The following SMARCAL1 variants were observed in gnomAD, a reference collection of about 807,000 sequenced individuals.
SMARCAL1 encodes ATP-driven annealing helicase.
A neutral mutation model predicts 94.5 loss-of-function variants in SMARCAL1; 58 were observed. The observed-to-expected ratio is 0.61, with a 90% CI of 0.50 to 0.76. The LOEUF (loss-of-function observed/expected upper bound fraction) is 0.76, where lower values mean the gene tolerates loss of function less well. Ranked by LOEUF, SMARCAL1 falls within the 30% of genes least tolerant of loss-of-function variation. The probability of loss-of-function intolerance (pLI) is 0.00; values close to 1 mark genes in which losing one functional copy is unlikely to be tolerated. For synonymous variants in SMARCAL1, 422 were observed against 455.1 expected (o/e 0.93, Z 0.93); for missense variants, 1,051 against 1,177.9 (o/e 0.89, Z 1.58).
At chr2:216,466,059 G>C (rs1190707441) in intron 13 of SMARCAL1, among the ~76,000 whole-genome samples, 1 of 152,104 alleles carries the variant, frequency 6.6e-6, no homozygotes, top group African/African-American at 2.4e-5. Context: ...ACACATCTGA[G>C]TTGCCCCCGC....
chr2:216,422,652 G>T (rs1418982355), intron 5 of SMARCAL1, among the ~76,000 whole-genome samples: 3 of 152,200 alleles, frequency 2.0e-5, no homozygotes, highest in Non-Finnish European at 4.4e-5. Flanking sequence ...CTTCCATCAG[G>T]TTGTACCTGG....
intron 14 of SMARCAL1, among the ~76,000 whole-genome samples, chr2:216,470,394 A>T (rs558766672): frequency 6.6e-6 from 1 of 152,092 alleles, no homozygotes; most frequent in African/African-American, 2.4e-5. Context: ...GCCTCAAGTG[A>T]TCCACCTGCT....
chr2:216,437,968 G>C (rs1460880882), intron 9 of SMARCAL1, among the ~76,000 whole-genome samples: 1 of 152,140 alleles, frequency 6.6e-6, no homozygotes, highest in Non-Finnish European at 1.5e-5. Context: ...CAGCCTGATC[G>C]GTTGTCAGTG....
chr2:216,434,672 GAA>G (rs34338586), intron 8 of SMARCAL1, among the ~76,000 whole-genome samples: 2 of 145,120 alleles, frequency 1.4e-5, no homozygotes, highest in East Asian at 2.0e-4. Flanking sequence ...CCATCTCTTT[GAA>G]AAAAAAAAAG....
At chr2:216,449,376 G>A (rs1694393577) in intron 11 of SMARCAL1, among the ~76,000 whole-genome samples, 1 of 148,040 alleles carries the variant, frequency 6.8e-6, no homozygotes, top group African/African-American at 2.4e-5. Context: ...AGCCAGGGCT[G>A]CCTTTTTTTT....
At chr2:216,439,143 T>A (rs983762250) in intron 10 of SMARCAL1, among the ~76,000 whole-genome samples, 1 of 152,074 alleles carries the variant, frequency 6.6e-6, no homozygotes. Flanking sequence ...TCTGAGTGCT[T>A]TGGCGGGTGT....
At chr2:216,423,531 G>C in intron 5 of SMARCAL1, 102 bp from the exon 6 acceptor site, 1 of 980,472 alleles carries the variant, frequency 1.0e-6, no homozygotes, top group Non-Finnish European at 1.6e-6. Context: ...CATTGTCTAA[G>C]CTGAATGGAA....
chr2:216,438,383 T>C (rs778213657), intron 9 of SMARCAL1, 37 bp from the exon 10 acceptor site: 6 of 1,580,562 alleles, frequency 3.8e-6, no homozygotes, highest in South Asian at 1.1e-5. Context: ...CCACTCAGGA[T>C]TGGATCTTGT....
At position 216,415,113 on chromosome 2, in the gene SMARCAL1, C is replaced by T. The variant is rs1271242899; in HGVS notation, c.409C>T (p.Gln137Ter). The T allele has an allele frequency of 1.2e-6, 2 of 1,613,726 alleles. No individual in the cohort carries two copies. The highest frequency in any genetic ancestry group is 1.7e-6 in the Non-Finnish European group (2 of 1,179,840). Residue 137 changes from glutamine to a stop codon, truncating the protein, a stop_gained, in exon 3 of 18, where the codon CAG becomes TAG. Transcript: ENST00000357276. LOFTEE classifies it high-confidence loss of function. ...AAGTCCTCCAGAGGTCCCTAAACAA[C>T]AGCTCTTGAGTTATGAGTTAGGTCA... is the stretch of plus-strand genomic sequence containing the variant. ...AQSPPEVPKQQLLSYELGQGH... is the reference protein window; with the variant it reads ...AQSPPEVPKQ
At chr2:216,471,396 G>T (rs192346327) in intron 14 of SMARCAL1, among the ~76,000 whole-genome samples, 8 of 147,150 alleles carry the variant, frequency 5.4e-5, no homozygotes, top group Admixed American at 4.1e-4. Flanking sequence ...TTGCTCTGTC[G>T]CTCAGGCTGG....
chr2:216,458,203 A>G (rs1026298895), intron 12 of SMARCAL1, among the ~76,000 whole-genome samples: 1 of 152,216 alleles, frequency 6.6e-6, no homozygotes, highest in Non-Finnish European at 1.5e-5. Flanking sequence ...TAGCTTACCA[A>G]CCAAAAAAAA....
chr2:216,477,188 G>A lies in SMARCAL1; in HGVS notation c.2507G>A (p.Gly836Asp), dbSNP rs1162943474. The part of the protein sequence containing the change: ...SVGIHYLVAK[G>D]TADDYLWPLI... ...GGCATTCACTACCTCGTGGCAAAGG[G>A]CACAGCTGATGACTACCTTTGGTAT... Residue 836 changes from glycine (G) to aspartate (D), a missense_variant, in exon 16 of 18, where the codon GGC (glycine) becomes GAC (aspartate). Gly to Asp is a moderately conservative substitution (Grantham distance 94). Coordinates refer to ENST00000357276, the MANE Select transcript of SMARCAL1 (RefSeq NM_014140.4). The A allele has an allele frequency of 6.3e-7, 1 of 1,597,088 alleles. No homozygotes were observed. Among genetic ancestry groups the A allele is most frequent in the Non-Finnish European group, 8.5e-7 (1 of 1,171,718 alleles).
At chr2:216,416,702 G>A (rs148913191) in intron 4 of SMARCAL1, among the ~76,000 whole-genome samples, 7 of 152,288 alleles carry the variant, frequency 4.6e-5, no homozygotes, top group East Asian at 1.9e-4. Flanking sequence ...CAGACTACAC[G>A]TTCCCACCAG....
chr2:216,448,895 C>T (rs1694379790), intron 11 of SMARCAL1, among the ~76,000 whole-genome samples: 1 of 151,960 alleles, frequency 6.6e-6, no homozygotes, highest in Admixed American at 6.6e-5. Flanking sequence ...TTTTAACCTA[C>T]AAGGTTAAGA....
intron 16 of SMARCAL1, 98 bp downstream of exon 16, chr2:216,477,307 G>A: frequency 1.1e-6 from 1 of 898,038 alleles, no homozygotes; most frequent in Non-Finnish European, 1.8e-6. Flanking sequence ...CTTTTGCTAA[G>A]TAAGGTCTTT....
intron 5 of SMARCAL1, among the ~76,000 whole-genome samples, chr2:216,422,107 C>A (rs1462207381): frequency 6.6e-6 from 1 of 152,054 alleles, no homozygotes; most frequent in Admixed American, 6.5e-5. Flanking sequence ...AACTACGGGC[C>A]GGGTGTTGTG....
intron 6 of SMARCAL1, among the ~76,000 whole-genome samples, chr2:216,427,633 C>G (rs1474314580): frequency 6.6e-6 from 1 of 152,202 alleles, no homozygotes; most frequent in Non-Finnish European, 1.5e-5. Context: ...CTAATTTCTT[C>G]TCATGGTGAT....
At chr2:216,419,430 AGT>A (rs978383003) in intron 4 of SMARCAL1, among the ~76,000 whole-genome samples, 3 of 151,786 alleles carry the variant, frequency 2.0e-5, no homozygotes, top group Non-Finnish European at 4.4e-5. Flanking sequence ...CTTTCACTCC[AGT>A]GTGTGTCTGT....
intron 14 of SMARCAL1, among the ~76,000 whole-genome samples, chr2:216,474,314 AT>A (rs1377391018): frequency 4.0e-5 from 6 of 148,572 alleles, no homozygotes. Context: ...TAATTTTTGT[AT>A]TTTTAGTAGA....
Sources: allele counts gnomAD v4.1 joint callset (sites outside exome capture counted in the v4.1 genomes callset), GRCh38; gene constraint gnomAD v4.1.1; transcripts MANE v1.5; gene names NCBI Gene and HGNC (gene_info 2026-07-23, HGNC 2026-07-21).